KPNA1: variants seen among roughly 807,000 people sequenced by gnomAD.
The protein encoded by KPNA1 is karyopherin subunit alpha 1.
KPNA1 carries 10 observed loss-of-function variants against 70.5 expected under a neutral mutation model. The ratio of observed to expected loss-of-function variants is 0.14; its 90% CI spans 0.09 to 0.24. KPNA1 has a LOEUF of 0.24. Ranked by LOEUF, KPNA1 falls within the 10% of genes least tolerant of loss-of-function variation. The probability of loss-of-function intolerance (pLI) is 1.00; values close to 1 mark genes in which losing one functional copy is unlikely to be tolerated. For missense variants in KPNA1, 397 were observed against 637.9 expected, an observed-to-expected ratio of 0.62 and a Z score of 4.07; for synonymous variants, 192 against 221.9, an observed-to-expected ratio of 0.87 and a Z score of 1.20.
At chr3:122,449,327 A>G (rs570946204) in intron 9 of KPNA1, among the ~76,000 whole-genome samples, 5 of 152,236 alleles carry the variant, frequency 3.3e-5, no homozygotes, top group Non-Finnish European at 7.3e-5. Context: ...CTGGAACTAC[A>G]CATATCAGAG....
chr3:122,464,056 A>C lies in KPNA1; in HGVS notation c.238-15T>G. On this transcript the variant is annotated splice_polypyrimidine_tract_variant and intron_variant, in intron 3 of 13. Transcript: ENST00000344337. ...ATGACACCACCCTGCGATCACAAAC[A>C]AAAAGAACATATAATAAATTATCAC... 7.1e-7 allele frequency: 1 copy of C among 1,410,532 alleles called. No homozygotes were observed. The highest frequency in any genetic ancestry group is 9.8e-7 in the Non-Finnish European group (1 of 1,018,428). 87.4% of individuals were successfully genotyped at this position (1,410,532 alleles called of 1,614,324 possible).
At chr3:122,438,039 T>A (rs374634116) in intron 10 of KPNA1, among the ~76,000 whole-genome samples, 3 of 152,334 alleles carry the variant, frequency 2.0e-5, no homozygotes, top group South Asian at 2.1e-4. Context: ...TTAACCCTGA[T>A]ATGGTTTGGA....
At position 122,449,614 on chromosome 3, in the gene KPNA1, T is replaced by A; in HGVS notation, c.877A>T (p.Ile293Phe). Reference protein sequence around the residue: ...DGPNDKIQAVIDAGVCRRLVE... With the variant: ...DGPNDKIQAVFDAGVCRRLVE... ...AGTCTCCTACATACTCCCGCATCGA[T>A]GACCGCTTGAATTTTATCATTGGGT... The change falls in exon 9 of 14, where the codon ATC becomes TTC. Residue 293 changes from isoleucine to phenylalanine, a missense_variant. Physicochemically the swap from Ile to Phe is conservative, Grantham distance 21. Coordinates refer to ENST00000344337, the MANE Select transcript of KPNA1 (RefSeq NM_002264.4). 1 of 1,614,034 alleles carries A rather than the reference T, an allele frequency of 6.2e-7. No individual in the cohort carries two copies. The highest frequency in any genetic ancestry group is 8.5e-7 in the Non-Finnish European group (1 of 1,179,944).
chr3:122,425,782 GTT>G lies in KPNA1; in HGVS notation c.*1201_*1202del, dbSNP rs2075815782. On this transcript the variant is annotated 3_prime_UTR_variant, in exon 14 of 14. Transcript: ENST00000344337. ...AATAAAATGATTAGGAAACAATGAG[GTT>G]ATAAGATCACTGTTCTTATTTGGGT... 1 of 152,524 alleles carries G rather than the reference GTT, an allele frequency of 6.6e-6. No homozygotes were observed. Among genetic ancestry groups the G allele is most frequent in the Non-Finnish European group, 1.5e-5 (1 of 68,024 alleles). 9.4% of individuals were successfully genotyped at this position (152,524 alleles called of 1,614,324 possible).
At chr3:122,485,611 C>T (rs1368618251) in intron 2 of KPNA1, among the ~76,000 whole-genome samples, 3 of 151,962 alleles carry the variant, frequency 2.0e-5, no homozygotes, top group African/African-American at 7.3e-5. Flanking sequence ...AGAAGACAAT[C>T]GACTCAGTTA....
chr3:122,510,043 G>A (rs1559772161), intron 1 of KPNA1, among the ~76,000 whole-genome samples: 1 of 152,264 alleles, frequency 6.6e-6, no homozygotes, highest in South Asian at 2.1e-4. Context: ...AGTAACCCTG[G>A]AAGAAAGAAA....
chr3:122,460,722 A>T, intron 5 of KPNA1: 1 of 935,082 alleles, frequency 1.1e-6, no homozygotes, highest in Non-Finnish European at 1.3e-6. Context: ...ATAGTACAGT[A>T]CTGAAAGCCT....
intron 2 of KPNA1, 118 bp downstream of exon 2, chr3:122,496,319 A>ACAC: frequency 2.3e-6 from 1 of 439,332 alleles, no homozygotes; most frequent in Non-Finnish European, 4.0e-6. Flanking sequence ...AGAAGGGGAA[A>ACAC]ACACACACAC....
intron 1 of KPNA1, among the ~76,000 whole-genome samples, chr3:122,504,264 A>G (rs1348376187): frequency 6.6e-6 from 1 of 152,150 alleles, no homozygotes; most frequent in African/African-American, 2.4e-5. Flanking sequence ...CTAATTCAGT[A>G]TCTGGTGAGG....
At chr3:122,506,967 G>A (rs972447997) in intron 1 of KPNA1, among the ~76,000 whole-genome samples, 1 of 152,194 alleles carries the variant, frequency 6.6e-6, no homozygotes, top group African/African-American at 2.4e-5. Flanking sequence ...TCACTGCAGT[G>A]TGATTATTCT....
At chr3:122,435,086 T>A (rs1282109675) in intron 11 of KPNA1, among the ~76,000 whole-genome samples, 2 of 152,228 alleles carry the variant, frequency 1.3e-5, no homozygotes, top group Non-Finnish European at 2.9e-5. Flanking sequence ...CAAATCATTT[T>A]AATTCCATGA....
Position 122,459,946 on chromosome 3 carries a change from T to G in KPNA1, c.432+1278A>C, listed in dbSNP as rs1253688031. The G allele has an allele frequency of 4.1e-6, 4 of 985,312 alleles. No individual in the cohort carries two copies. In the East Asian group the frequency reaches 4.5e-4, roughly 112 times the overall value. The allele number at this position is 985,312 out of a possible 1,614,324, so 61.0% of individuals were successfully genotyped here. A position where few individuals can be genotyped will look rare whatever the true frequency, so the allele number is the denominator to read the frequency against. ...CAGTAAGGAACCTGGGGACAGGAGC[T>G]ATCACTTAACAAAAATGCCCCAGTG... is the stretch of plus-strand genomic sequence containing the variant. On this transcript the variant is annotated intron_variant, in intron 5 of 13. Transcript: ENST00000344337.
intron 9 of KPNA1, among the ~76,000 whole-genome samples, chr3:122,447,652 A>G (rs2076154802): frequency 1.3e-5 from 2 of 152,244 alleles, no homozygotes; most frequent in African/African-American, 4.8e-5. Flanking sequence ...TATTCAACAC[A>G]GCACTGGAAG....
In KPNA1 at chr3:122,423,175, C is replaced by G. The variant is rs369327148; in HGVS notation, c.*3810G>C. On this transcript the variant is annotated 3_prime_UTR_variant, in exon 14 of 14. Coordinates refer to ENST00000344337, the MANE Select transcript of KPNA1 (RefSeq NM_002264.4). The stretch of plus-strand genomic sequence containing the variant: ...AGCCAACTTACTGTAGTAGTCACAT[C>G]TGACCTTTGATAATTTTTTTAAATT... 314 of 152,278 alleles carry G rather than the reference C, an allele frequency of 2.1e-3. 2 individuals carry two copies. Among genetic ancestry groups the G allele is most frequent in the African/African-American group, 7.3e-3 (305 of 41,552 alleles). 9.4% of individuals were successfully genotyped at this position (152,278 alleles called of 1,614,324 possible).
At chr3:122,427,252 T>C (rs2075835053) in intron 13 of KPNA1, 80 bp from the exon 14 acceptor site, 9 of 1,050,032 alleles carry the variant, frequency 8.6e-6, no homozygotes, top group South Asian at 1.6e-5. Context: ...ATTCCTAAAC[T>C]ATATTTTGTC....
At chr3:122,501,488 G>C (rs1431608465) in intron 1 of KPNA1, among the ~76,000 whole-genome samples, 1 of 152,096 alleles carries the variant, frequency 6.6e-6, no homozygotes, top group South Asian at 2.1e-4. Context: ...TTATTTAGGA[G>C]TATGTTCTTT....
At chr3:122,430,767 A>C (rs73188402) in intron 12 of KPNA1, among the ~76,000 whole-genome samples, 1 of 152,068 alleles carries the variant, frequency 6.6e-6, no homozygotes, top group Non-Finnish European at 1.5e-5. Flanking sequence ...AACAGTGCTA[A>C]AACAACTGAA....
intron 1 of KPNA1, among the ~76,000 whole-genome samples, chr3:122,505,165 T>C (rs911839478): frequency 2.0e-5 from 3 of 150,422 alleles, no homozygotes; most frequent in East Asian, 2.0e-4. Flanking sequence ...TTAGCCAGCA[T>C]AGTGGCATGC....
chr3:122,502,474 A>G (rs1339058886), intron 1 of KPNA1, among the ~76,000 whole-genome samples: 1 of 152,298 alleles, frequency 6.6e-6, no homozygotes, highest in East Asian at 1.9e-4. Flanking sequence ...AGCTGTCTGC[A>G]AGCAAAAGAG....
Sources: gnomAD v4.1 joint callset for allele counts (sites outside exome capture counted in the v4.1 genomes callset) on GRCh38, gnomAD v4.1.1 for gene constraint, MANE v1.5 for transcripts, NCBI Gene and HGNC (gene_info 2026-07-23, HGNC 2026-07-21) for gene names.